Variants in MSR1 observed in about 807,000 individuals in gnomAD.
The protein encoded by MSR1 is macrophage scavenger receptor 1.
In MSR1, 53 loss-of-function variants were observed where a neutral mutation model predicts 47.2. The ratio of observed to expected loss-of-function variants is 1.12; its 90% confidence interval spans 0.90 to 1.41. The LOEUF (loss-of-function observed/expected upper bound fraction) is 1.41. Ranked by LOEUF, MSR1 falls within the 40% of genes most tolerant of loss-of-function variation. MSR1 has a pLI of 0.00. For synonymous variants in MSR1, 239 were observed against 185.6 expected (o/e 1.29, Z -2.34); for missense variants, 786 against 546.9 (o/e 1.44, Z -4.36).
At chr8:16,134,257 G>T (rs1016148099) in intron 8 of MSR1, among the ~76,000 whole-genome samples, 5 of 151,930 alleles carry the variant, frequency 3.3e-5, no homozygotes, top group South Asian at 2.1e-4. Context: ...ATACCTTATT[G>T]TTCTTAGTGC....
intron 9 of MSR1, 69 bp from the exon 10 acceptor site, chr8:16,110,287 C>T: frequency 2.0e-6 from 3 of 1,536,886 alleles, no homozygotes; most frequent in Admixed American, 3.3e-5. Flanking sequence ...TGGGGCAAAG[C>T]CATTAATTCC....
chr8:16,130,120 T>A (rs1170591821), intron 8 of MSR1, among the ~76,000 whole-genome samples: 1 of 152,210 alleles, frequency 6.6e-6, no homozygotes, highest in Admixed American at 6.5e-5. Flanking sequence ...GAGAGTCAGC[T>A]GGGATAGGGA....
chr8:16,172,838 G>C (rs1801525759), intron 3 of MSR1, among the ~76,000 whole-genome samples: 1 of 151,952 alleles, frequency 6.6e-6, no homozygotes, highest in Non-Finnish European at 1.5e-5. Context: ...TCACTTCACA[G>C]AGTTTTATAT....
At chr8:16,173,958 G>GT (rs942682496) in intron 3 of MSR1, among the ~76,000 whole-genome samples, 27 of 150,106 alleles carry the variant, frequency 1.8e-4, no homozygotes, top group African/African-American at 4.3e-4. Context: ...TGACTTTTTT[G>GT]TTTTTTTATT....
intron 9 of MSR1, among the ~76,000 whole-genome samples, chr8:16,118,103 G>C (rs988424588): frequency 6.6e-6 from 1 of 151,902 alleles, no homozygotes; most frequent in African/African-American, 2.4e-5. Flanking sequence ...CCAGACTAGT[G>C]GTATTTTAGG....
At chr8:16,120,268 T>G (rs34122554) in intron 9 of MSR1, 150 bp downstream of exon 9, 3 of 795,754 alleles carry the variant, frequency 3.8e-6, no homozygotes, top group Non-Finnish European at 6.3e-6. Context: ...TCCCAGCTAC[T>G]AGGCAGGCTA....
At chr8:16,185,341 A>G (rs879764935) in intron 1 of MSR1, among the ~76,000 whole-genome samples, 3 of 152,190 alleles carry the variant, frequency 2.0e-5, no homozygotes, top group Non-Finnish European at 4.4e-5. Context: ...CAATCTCAGC[A>G]TCAGCTTTTG....
intron 3 of MSR1, among the ~76,000 whole-genome samples, chr8:16,169,707 C>T (rs147108365): frequency 1.8e-3 from 278 of 151,870 alleles, no homozygotes; most frequent in Middle Eastern, 0.01. Flanking sequence ...AATGCTCTAT[C>T]ATAAGTACTT....
At chr8:16,119,870 C>CT (rs35520763) in intron 9 of MSR1, among the ~76,000 whole-genome samples, 14,566 of 95,538 alleles carry the variant, frequency 0.15, 1,134 homozygotes, top group African/African-American at 0.22. Context: ...TCACGCCTGG[C>CT]TTTTTTTTTT....
chr8:16,117,413 T>G (rs1321627214), intron 9 of MSR1, among the ~76,000 whole-genome samples: 2 of 152,040 alleles, frequency 1.3e-5, no homozygotes, highest in African/African-American at 4.8e-5. Context: ...GAGACAATAG[T>G]AAATCAATTG....
intron 8 of MSR1, among the ~76,000 whole-genome samples, chr8:16,133,543 A>G (rs144354802): frequency 1.7e-4 from 26 of 152,248 alleles, no homozygotes; most frequent in African/African-American, 6.0e-4. Context: ...AAATACTCTC[A>G]TAGTAAGCCT....
intron 1 of MSR1, among the ~76,000 whole-genome samples, chr8:16,187,364 C>CAAAAAAAAAA (rs751848634): frequency 3.4e-4 from 12 of 35,414 alleles, no homozygotes; most frequent in African/African-American, 1.2e-3. Context: ...ACTCTGTCTC[C>CAAAAAAAAAA]AAAAAAAAAA....
At chr8:16,190,634 A>G (rs1466859056) in intron 1 of MSR1, among the ~76,000 whole-genome samples, 2 of 151,920 alleles carry the variant, frequency 1.3e-5, no homozygotes, top group South Asian at 2.1e-4. Context: ...ATACATATTT[A>G]CCATCTGTCT....
chr8:16,154,264 T>G (rs1401580479), intron 6 of MSR1, among the ~76,000 whole-genome samples: 1 of 151,964 alleles, frequency 6.6e-6, no homozygotes, highest in Non-Finnish European at 1.5e-5. Context: ...CCATTCTACT[T>G]ATAATTAGAC....
At chr8:16,135,673 T>C (rs550915477) in intron 8 of MSR1, among the ~76,000 whole-genome samples, 2 of 152,310 alleles carry the variant, frequency 1.3e-5, no homozygotes, top group Non-Finnish European at 1.5e-5. Flanking sequence ...CAGAGAGTGA[T>C]TCCTCTGATG....
intron 9 of MSR1, among the ~76,000 whole-genome samples, chr8:16,116,675 A>G (rs963440505): frequency 4.0e-5 from 6 of 151,314 alleles, no homozygotes; most frequent in African/African-American, 1.2e-4. Flanking sequence ...AGAAATCCCT[A>G]CTTTATAGAG....
chr8:16,174,783 T>A (rs983209927), intron 3 of MSR1, among the ~76,000 whole-genome samples: 11 of 152,152 alleles, frequency 7.2e-5, no homozygotes, highest in African/African-American at 1.9e-4. Flanking sequence ...AACAGGCTTT[T>A]TTTTTATATT....
chr8:16,114,829 T>G (rs1198399763), intron 9 of MSR1, among the ~76,000 whole-genome samples: 1 of 152,180 alleles, frequency 6.6e-6, no homozygotes, highest in African/African-American at 2.4e-5. Flanking sequence ...ATGTGGAGAC[T>G]GTCCAAAAAT....
rs779196365 is a variant in MSR1, at chr8:16,168,472, A to G, written c.616T>C (p.Phe206Leu). Residue 206 changes from phenylalanine to leucine, a missense_variant, in exon 4 of 10, where the codon TTC becomes CTC. Phe to Leu is a conservative substitution (Grantham distance 22, BLOSUM62 0). Coordinates refer to ENST00000262101, the MANE Select transcript of MSR1 (RefSeq NM_138715.3). ...CAAACTCTTACCTCTTGTTGTTTGAAGGTATTCTCTTGGATTTTGCCATTC... is the reference window on the plus strand; with the variant it reads ...CAAACTCTTACCTCTTGTTGTTTGAGGGTATTCTCTTGGATTTTGCCATTC... Reference protein sequence around the residue: ...NLNGKIQENTFKQQEEISKLE... With the variant: ...NLNGKIQENTLKQQEEISKLE... 6.2e-6 allele frequency: 10 copies of G among 1,614,102 alleles called. No homozygotes were observed. Among genetic ancestry groups the G allele is most frequent in the Non-Finnish European group, 7.6e-6 (9 of 1,179,998 alleles).
Sources: allele counts gnomAD v4.1 joint callset (sites outside exome capture counted in the v4.1 genomes callset), GRCh38; gene constraint gnomAD v4.1.1; transcripts MANE v1.5; gene names NCBI Gene and HGNC (gene_info 2026-07-23, HGNC 2026-07-21).